The following MAPK8 variants were observed in gnomAD, a reference collection of about 807,000 sequenced individuals.
MAPK8 encodes JUN N-terminal kinase.
MAPK8 carries 13 observed loss-of-function variants against 52.9 expected under a neutral mutation model. That is an observed-to-expected ratio of 0.25 (90% CI 0.16 to 0.39). The LOEUF (loss-of-function observed/expected upper bound fraction) is 0.39, where lower values mean the gene tolerates loss of function less well. MAPK8 is among the 10% of genes least tolerant of loss of function. MAPK8 has a pLI of 1.00. For synonymous variants in MAPK8, 191 were observed against 169.8 expected (o/e 1.12, Z -0.97); for missense variants, 300 against 519.2 (o/e 0.58, Z 4.10).
intron 1 of MAPK8, among the ~76,000 whole-genome samples, chr10:48,326,181 CCTT>C (rs1257327998): frequency 1.3e-5 from 2 of 152,148 alleles, no homozygotes; most frequent in Non-Finnish European, 2.9e-5. Context: ...TATTTGGAAT[CCTT>C]CTGTGCAGGA....
intron 5 of MAPK8, among the ~76,000 whole-genome samples, chr10:48,416,602 A>G (rs2043076847): frequency 6.6e-6 from 1 of 152,212 alleles, no homozygotes. Context: ...TATATGGCCA[A>G]CCCTATAACC....
At chr10:48,408,124 C>T (rs1327873562) in intron 3 of MAPK8, among the ~76,000 whole-genome samples, 5 of 152,142 alleles carry the variant, frequency 3.3e-5, no homozygotes, top group African/African-American at 4.8e-5. Context: ...AAAGTTTATG[C>T]CTAAAAAACA....
chr10:48,429,898 G>A (rs1012674496), intron 10 of MAPK8: 1 of 152,076 alleles, frequency 6.6e-6, no homozygotes, highest in Non-Finnish European at 1.5e-5. Flanking sequence ...AATATTTTTT[G>A]TTTGTACATT....
chr10:48,311,506 A>G (rs1398174655), intron 1 of MAPK8, among the ~76,000 whole-genome samples: 5 of 152,208 alleles, frequency 3.3e-5, no homozygotes, highest in African/African-American at 4.8e-5. Flanking sequence ...AAATTGCCTA[A>G]GCTTTCCTAG....
chr10:48,313,100 T>G (rs149380753), intron 1 of MAPK8, among the ~76,000 whole-genome samples: 1 of 152,328 alleles, frequency 6.6e-6, no homozygotes, highest in East Asian at 1.9e-4. Context: ...AGTAAGAGGT[T>G]GTAGCCTCAT....
chr10:48,317,871 A>G (rs2132121811), intron 1 of MAPK8, among the ~76,000 whole-genome samples: 1 of 152,260 alleles, frequency 6.6e-6, no homozygotes, highest in African/African-American at 2.4e-5. Context: ...TTTGCCAAGA[A>G]GTATTGATTG....
chr10:48,434,739 G>A (rs2044704054), intron 11 of MAPK8, 145 bp from the exon 12 acceptor site: 1 of 545,858 alleles, frequency 1.8e-6, no homozygotes, highest in East Asian at 3.1e-5. Context: ...TTAAGTTAGT[G>A]TGTTGGATAT....
chr10:48,371,084 T>A (rs193255554), intron 1 of MAPK8, among the ~76,000 whole-genome samples: 3 of 152,226 alleles, frequency 2.0e-5, no homozygotes, highest in Non-Finnish European at 4.4e-5. Context: ...GAAAGGAGAT[T>A]GGAAAGGTTT....
At position 48,409,854 on chromosome 10, in the gene MAPK8, T is replaced by G. The variant is rs1307207902; in HGVS notation, c.253-25T>G. The stretch of plus-strand genomic sequence containing the variant: ...AATATTATGAAGTAATTTCTAATTT[T>G]TCTGTCTCTCGACTTTTATTATAGA... On this transcript the variant is annotated intron_variant, in intron 3 of 11. Coordinates refer to ENST00000374189, the MANE Select transcript of MAPK8 (RefSeq NM_001323329.2). 8.5e-6 allele frequency: 13 copies of G among 1,531,070 alleles called. No homozygotes were observed. The Admixed American group carries it at 1.2e-4, about 15-fold the overall frequency. The allele number at this position is 1,531,070 out of a possible 1,614,324, so 94.8% of individuals were successfully genotyped here.
intron 5 of MAPK8, among the ~76,000 whole-genome samples, chr10:48,415,675 T>TG (rs1291224108): frequency 1.3e-5 from 2 of 152,012 alleles, no homozygotes; most frequent in African/African-American, 2.4e-5. Flanking sequence ...AAGTTGAATA[T>TG]GGTGGGGTCA....
At chr10:48,352,173 A>G (rs1238909040) in intron 1 of MAPK8, among the ~76,000 whole-genome samples, 1 of 152,196 alleles carries the variant, frequency 6.6e-6, no homozygotes, top group Admixed American at 6.5e-5. Flanking sequence ...GGCCCGAATG[A>G]TTTCATTGGA....
At chr10:48,339,183 C>T (rs899663689) in intron 1 of MAPK8, among the ~76,000 whole-genome samples, 11 of 152,086 alleles carry the variant, frequency 7.2e-5, no homozygotes, top group African/African-American at 1.9e-4. Context: ...CAACTTCAGA[C>T]TATACTGCAA....
chr10:48,402,206 C>T (rs576425871), intron 2 of MAPK8, among the ~76,000 whole-genome samples: 9 of 152,302 alleles, frequency 5.9e-5, no homozygotes, highest in African/African-American at 2.2e-4. Context: ...TAAACTAGCA[C>T]TGCCATCTTT....
intron 3 of MAPK8, among the ~76,000 whole-genome samples, chr10:48,406,788 C>T (rs1252300316): frequency 6.6e-6 from 1 of 152,110 alleles, no homozygotes; most frequent in African/African-American, 2.4e-5. Flanking sequence ...TTAATCTTGG[C>T]CGTTTATCTC....
intron 1 of MAPK8, among the ~76,000 whole-genome samples, chr10:48,345,014 A>G (rs1845632043): frequency 6.6e-6 from 1 of 152,234 alleles, no homozygotes; most frequent in Non-Finnish European, 1.5e-5. Flanking sequence ...AAAATCCGTG[A>G]ATGCTTGAAA....
intron 1 of MAPK8, among the ~76,000 whole-genome samples, chr10:48,334,489 A>G (rs1257247348): frequency 2.0e-5 from 3 of 152,036 alleles, no homozygotes; most frequent in Non-Finnish European, 4.4e-5. Context: ...TTAGAGTCCA[A>G]TTTTCCTACC....
At chr10:48,311,073 A>C (rs2132063496) in intron 1 of MAPK8, among the ~76,000 whole-genome samples, 1 of 152,262 alleles carries the variant, frequency 6.6e-6, no homozygotes, top group East Asian at 1.9e-4. Flanking sequence ...TATCTGTCAA[A>C]TGAGAATAAT....
chr10:48,432,106 T>C lies in MAPK8; in HGVS notation c.1138+836T>C, dbSNP rs191425490. Among the ~76,000 whole-genome samples, 171 of 152,342 alleles carry C rather than the reference T, an allele frequency of 1.1e-3. 1 individual carries two copies. The highest frequency in any genetic ancestry group is 3.9e-3 in the African/African-American group (163 of 41,582). ...GGCTGGCAACAGAGACTTCTCTGGC[T>C]ACAGAGGTTAGGACAGTTGTATGAA... is the stretch of plus-strand genomic sequence containing the variant. On this transcript the variant is annotated intron_variant, in intron 11 of 11. Coordinates refer to ENST00000374189, the MANE Select transcript of MAPK8 (RefSeq NM_001323329.2).
chr10:48,392,133 A>G (rs985362147), intron 1 of MAPK8, among the ~76,000 whole-genome samples: 53 of 152,246 alleles, frequency 3.5e-4, no homozygotes, highest in Admixed American at 7.9e-4. Flanking sequence ...GAGTGGAGAA[A>G]CCCACAAGCC....
Sources: allele counts gnomAD v4.1 joint callset (sites outside exome capture counted in the v4.1 genomes callset), GRCh38; gene constraint gnomAD v4.1.1; transcripts MANE v1.5; gene names NCBI Gene and HGNC (gene_info 2026-07-23, HGNC 2026-07-21).